TAS1R1: variants seen among roughly 807,000 people sequenced by gnomAD.
TAS1R1 encodes the protein taste receptor type 1 member 1.
In TAS1R1, 31 loss-of-function variants were observed where a neutral mutation model predicts 45.8. That is an observed-to-expected ratio of 0.68 (90% CI 0.51 to 0.91). The LOEUF (loss-of-function observed/expected upper bound fraction) is 0.91, where lower values mean the gene tolerates loss of function less well. Ranked by LOEUF, TAS1R1 falls within the 40% of genes least tolerant of loss-of-function variation. The pLI is 0.00. For missense variants in TAS1R1, 1,051 were observed against 1,063.9 expected, an observed-to-expected ratio of 0.99 and a Z score of 0.17; for synonymous variants, 437 against 448.4, an observed-to-expected ratio of 0.97 and a Z score of 0.32.
At chr1:6,569,270 GT>G (rs1639948731) in intron 1 of TAS1R1, among the ~76,000 whole-genome samples, 2 of 152,152 alleles carry the variant, frequency 1.3e-5, no homozygotes, top group African/African-American at 4.8e-5. Flanking sequence ...CAGAGGGTGA[GT>G]TGGGTTTGGA....
In TAS1R1 at chr1:6,555,326, C is replaced by A. The variant is rs745395953; in HGVS notation, c.-48C>A. On this transcript the variant is annotated 5_prime_UTR_variant, in exon 1 of 6. Transcript: ENST00000333172. ...TGCCTTCTATTTAAGCAACTGGCCT[C>A]CTTAGAGGCCACTCCTTGGCCATGC... 2.0e-6 allele frequency: 3 copies of A among 1,505,072 alleles called. No homozygotes were observed. Among genetic ancestry groups the A allele is most frequent in the Admixed American group, 2.0e-5 (1 of 49,844 alleles). 93.2% of individuals were successfully genotyped at this position (1,505,072 alleles called of 1,614,324 possible).
intron 1 of TAS1R1, among the ~76,000 whole-genome samples, chr1:6,559,096 T>C (rs942966234): frequency 2.0e-5 from 3 of 152,038 alleles, no homozygotes; most frequent in South Asian, 2.1e-4. Flanking sequence ...GGTTTCACCA[T>C]GTTAGCCAGG....
intron 1 of TAS1R1, among the ~76,000 whole-genome samples, chr1:6,562,380 G>C (rs1043099531): frequency 1.3e-5 from 2 of 152,180 alleles, no homozygotes; most frequent in African/African-American, 4.8e-5. Flanking sequence ...ATGTTAGCCA[G>C]GATGGTCTCA....
At chr1:6,578,013 C>A (rs1006216258) in intron 5 of TAS1R1, among the ~76,000 whole-genome samples, 1 of 152,114 alleles carries the variant, frequency 6.6e-6, no homozygotes, top group Middle Eastern at 3.2e-3. Flanking sequence ...CTTCTGTTGC[C>A]CATGCCAAAG....
intron 1 of TAS1R1, among the ~76,000 whole-genome samples, 199 bp from the exon 2 acceptor site, chr1:6,570,710 C>T (rs140910556): frequency 2.6e-4 from 39 of 152,300 alleles, no homozygotes; most frequent in African/African-American, 9.4e-4. Context: ...AGGACCTTTT[C>T]GATGCTAATA....
At chr1:6,564,469 C>A (rs941936876) in intron 1 of TAS1R1, among the ~76,000 whole-genome samples, 1 of 152,050 alleles carries the variant, frequency 6.6e-6, no homozygotes, top group African/African-American at 2.4e-5. Context: ...AAGGAGGGTG[C>A]TTTTGGGCTG....
chr1:6,570,479 A>G (rs1639982042), intron 1 of TAS1R1, among the ~76,000 whole-genome samples: 3 of 150,918 alleles, frequency 2.0e-5, no homozygotes, highest in African/African-American at 7.3e-5. Context: ...GTTTCTGCAC[A>G]AGGAGGGAAT....
rs1640099196 is a variant in TAS1R1, at chr1:6,574,364, C to T, written c.499-267C>T. Among the ~76,000 whole-genome samples the T allele has an allele frequency of 6.6e-6, 1 of 152,210 alleles. No homozygotes were observed. Among genetic ancestry groups the T allele is most frequent in the Non-Finnish European group, 1.5e-5 (1 of 68,030 alleles). On this transcript the variant is annotated intron_variant, in intron 2 of 5. Transcript: ENST00000333172. This position sits in a 1 kb window ranked among gnomAD's most constrained non-coding sequence, Gnocchi z 4.3. ...CCTCCAGTGGAAGTCCCTGAAGGTCCCCAAACACACGGGACTATTTCACTC... is the reference window on the plus strand; with the variant it reads ...CCTCCAGTGGAAGTCCCTGAAGGTCTCCAAACACACGGGACTATTTCACTC...
chr1:6,573,959 G>A (rs1026606674), intron 2 of TAS1R1, among the ~76,000 whole-genome samples: 30 of 152,136 alleles, frequency 2.0e-4, no homozygotes, highest in Non-Finnish European at 3.4e-4. Flanking sequence ...CACTGCACCC[G>A]GCCATAATGT....
intron 1 of TAS1R1, among the ~76,000 whole-genome samples, chr1:6,560,356 C>T (rs553891394): frequency 6.6e-6 from 1 of 152,314 alleles, no homozygotes; most frequent in South Asian, 2.1e-4. Flanking sequence ...GTTTAGTAAC[C>T]TGCTGGGCTG....
At chr1:6,558,212 A>T (rs774216780) in intron 1 of TAS1R1, among the ~76,000 whole-genome samples, 1 of 151,654 alleles carries the variant, frequency 6.6e-6, no homozygotes, top group African/African-American at 2.4e-5. Context: ...AATTTTTTAA[A>T]TTTTTTATAG....
chr1:6,579,743 G>T lies in TAS1R1; in HGVS notation c.*159G>T. 2 of 920,682 alleles carry T rather than the reference G, an allele frequency of 2.2e-6. No individual in the cohort carries two copies. The highest frequency in any genetic ancestry group is 3.2e-6 in the Non-Finnish European group (2 of 630,272). 57.0% of individuals were successfully genotyped at this position (920,682 alleles called of 1,614,324 possible). A position where few individuals can be genotyped will look rare whatever the true frequency, so the allele number is the denominator to read the frequency against. On this transcript the variant is annotated 3_prime_UTR_variant, in exon 6 of 6. Coordinates refer to ENST00000333172, the MANE Select transcript of TAS1R1 (RefSeq NM_138697.4). ...GACCAGGCTCCGGGCTGCCAATAAA[G>T]AAGTGAAATGCGTATCTGGTCTCCT...
chr1:6,557,642 G>T (rs1639708196), intron 1 of TAS1R1, among the ~76,000 whole-genome samples: 1 of 152,164 alleles, frequency 6.6e-6, no homozygotes, highest in Admixed American at 6.5e-5. Flanking sequence ...TCACTGTGTT[G>T]CTCAGGCTGG....
Position 6,555,362 on chromosome 1 carries a change from C to A in TAS1R1, c.-12C>A. ...ACTCCTTGGCCATGCCAGGCGCGGG[C>A]ATCTGGCCAGCATGCTGCTCTGCAC... On this transcript the variant is annotated 5_prime_UTR_variant, in exon 1 of 6. Transcript: ENST00000333172. 1 of 1,570,688 alleles carries A rather than the reference C, an allele frequency of 6.4e-7. No homozygotes were observed. Among genetic ancestry groups the A allele is most frequent in the Admixed American group, 1.7e-5 (1 of 57,716 alleles).
rs144409938 is a variant in TAS1R1, at chr1:6,557,199, G to C, written c.191+1635G>C. 1.1e-3 allele frequency among the ~76,000 whole-genome samples: 174 copies of C among 151,698 alleles called. 1 individual carries two copies. Among genetic ancestry groups the C allele is most frequent in the Admixed American group, 1.9e-3 (28 of 15,106 alleles). On this transcript the variant is annotated intron_variant, in intron 1 of 5. Transcript: ENST00000333172. ...CGACCTACTCGAAGGGCTACAGCTA[G>C]AAACCTGGATAAAGAGATAAAGAGA...
chr1:6,576,925 G>A (rs765518420), intron 4 of TAS1R1, 25 bp from the exon 5 acceptor site: 9 of 1,614,186 alleles, frequency 5.6e-6, no homozygotes, highest in Admixed American at 5.0e-5. Flanking sequence ...GGGCCCCTAC[G>A]TGTGGCCCCT....
At position 6,575,042 on chromosome 1, in the gene TAS1R1, G is replaced by A; in HGVS notation, c.910G>A (p.Ala304Thr). ...GKVWVASEAW[A>T]LSRHITGVPG... ...GGTGTGGGTCGCCTCAGAAGCCTGG[G>A]CCCTCTCCAGGCACATCACTGGGGT... Residue 304 changes from alanine to threonine, a missense_variant, in exon 3 of 6, where the codon GCC becomes ACC. Ala to Thr is a moderately conservative substitution (Grantham distance 58). Transcript: ENST00000333172. The A allele has an allele frequency of 1.6e-5, 25 of 1,586,256 alleles. No individual in the cohort carries two copies. Among genetic ancestry groups the A allele is most frequent in the Non-Finnish European group, 2.1e-5 (24 of 1,164,720 alleles).
At chr1:6,570,024 G>A (rs12739144) in intron 1 of TAS1R1, among the ~76,000 whole-genome samples, 6,797 of 32,288 alleles carry the variant, frequency 0.21, 711 homozygotes, top group African/African-American at 0.34. Context: ...GGAGGGAGGG[G>A]GAGAGAGAGA....
At chr1:6,565,591 C>T (rs561598556) in intron 1 of TAS1R1, among the ~76,000 whole-genome samples, 9 of 151,954 alleles carry the variant, frequency 5.9e-5, no homozygotes, top group East Asian at 1.9e-4. Flanking sequence ...AGAGCAGGAG[C>T]GGTTACAAGG....
Sources: allele counts gnomAD v4.1 joint callset (sites outside exome capture counted in the v4.1 genomes callset), GRCh38; gene constraint gnomAD v4.1.1; non-coding constraint Gnocchi (gnomAD v3.1); transcripts MANE v1.5; gene names NCBI Gene and HGNC (gene_info 2026-07-23, HGNC 2026-07-21).